RTEL1: variants seen among roughly 807,000 people sequenced by gnomAD.
RTEL1 encodes regulator of telomere length.
Under a neutral mutation model 162.2 loss-of-function variants are expected in RTEL1, and 86 were observed. The ratio of observed to expected loss-of-function variants is 0.53; its 90% CI spans 0.45 to 0.63. RTEL1 has a LOEUF of 0.63. Among genes scored for constraint, RTEL1 ranks in the 30% least tolerant of loss-of-function variants. RTEL1 has a pLI of 0.00. For synonymous variants in RTEL1, 958 were observed against 717.9 expected (o/e 1.33, Z -5.35); for missense variants, 1,941 against 1,750.2 (o/e 1.11, Z -1.95).
At chr20:63,692,069 A>T in intron 28 of RTEL1, 1 of 508,576 alleles carries the variant, frequency 2.0e-6, no homozygotes, top group Non-Finnish European at 3.6e-6. Flanking sequence ...CAGGTTTGGC[A>T]TGGGGCCTGC....
At chr20:63,666,566 C>T (rs573255901) in intron 7 of RTEL1, among the ~76,000 whole-genome samples, 38 of 152,284 alleles carry the variant, frequency 2.5e-4, no homozygotes, top group East Asian at 1.7e-3. Flanking sequence ...AACAGGGTCT[C>T]GCTCTGCTAC....
rs1210407904 is a variant in RTEL1, at chr20:63,687,626, C to G, written c.1349-12C>G. On this transcript the variant is annotated splice_polypyrimidine_tract_variant and intron_variant, in intron 16 of 34. Transcript: ENST00000360203. ...TCACACTCTGTGCCCTCTGCCGCCC[C>G]CCGCCCCACAGGGAAGGTGCTGAGC... The G allele has an allele frequency of 6.3e-7, 1 of 1,599,366 alleles. No individual in the cohort carries two copies. The highest frequency in any genetic ancestry group is 1.7e-5 in the Admixed American group (1 of 59,084).
At chr20:63,682,596 G>T (rs968103930) in intron 14 of RTEL1, 9 of 985,824 alleles carry the variant, frequency 9.1e-6, no homozygotes, top group Non-Finnish European at 1.1e-5. Context: ...CCAGCCCTCG[G>T]GTGCCTGGAG....
chr20:63,682,202 G>A (rs1301765752), intron 14 of RTEL1: 1 of 985,432 alleles, frequency 1.0e-6, no homozygotes, highest in East Asian at 1.1e-4. Flanking sequence ...CACTCGAACT[G>A]AATCCTGGAA....
chr20:63,678,223 G>GCCTCCTCCTTGCGAGGAGGTGGGTGACA (rs2090396911), intron 11 of RTEL1, 40 bp downstream of exon 11: 4 of 1,612,848 alleles, frequency 2.5e-6, no homozygotes, highest in Non-Finnish European at 3.4e-6. Context: ...GCTGGGTGGG[G>GCCTCCTCCTTGCGAGGAGGTGGGTGACA]CCTCCTCCTT....
chr20:63,661,701 C>A lies in RTEL1; in HGVS notation c.302-149C>A. 1.2e-6 allele frequency: 1 copy of A among 862,480 alleles called. No homozygotes were observed. The highest frequency in any genetic ancestry group is 1.8e-6 in the Non-Finnish European group (1 of 545,048). 53.4% of individuals were successfully genotyped at this position (862,480 alleles called of 1,614,324 possible). A position where few individuals can be genotyped will look rare whatever the true frequency, so the allele number is the denominator to read the frequency against. On this transcript the variant is annotated intron_variant, in intron 3 of 34. Coordinates refer to ENST00000360203, the MANE Select transcript of RTEL1 (RefSeq NM_001283009.2). This position sits in a 1 kb window ranked among gnomAD's most constrained non-coding sequence, Gnocchi z 5.1. ...TTGCTGAATTAGGGCACGGCAGATG[C>A]CCACTTCACCCATTTTTGATAAACC... is the stretch of plus-strand genomic sequence containing the variant.
In RTEL1 at chr20:63,661,697, G is replaced by C. The variant is rs2090023779; in HGVS notation, c.302-153G>C. Reference sequence around the variant, plus strand: ...TTTTTTGCTGAATTAGGGCACGGCAGATGCCCACTTCACCCATTTTTGATA... The same window carrying C: ...TTTTTTGCTGAATTAGGGCACGGCACATGCCCACTTCACCCATTTTTGATA... On this transcript the variant is annotated intron_variant, in intron 3 of 34. Coordinates refer to ENST00000360203, the MANE Select transcript of RTEL1 (RefSeq NM_001283009.2). The surrounding 1 kb of genome is among the most constrained non-coding windows in gnomAD (Gnocchi z 5.1). The C allele has an allele frequency of 1.0e-5, 9 of 861,728 alleles. No individual in the cohort carries two copies. In the South Asian group the frequency reaches 1.5e-4, roughly 14 times the overall value. The allele number at this position is 861,728 out of a possible 1,614,324, so 53.4% of individuals were successfully genotyped here.
chr20:63,662,203 T>G (rs1016864028), intron 4 of RTEL1, among the ~76,000 whole-genome samples: 2 of 152,234 alleles, frequency 1.3e-5, no homozygotes, highest in East Asian at 1.9e-4. Context: ...GGTGCTGTTG[T>G]AGCAGCTGTG....
Position 63,661,652 on chromosome 20 carries a change from G to A in RTEL1, c.301+156G>A. On this transcript the variant is annotated intron_variant, in intron 3 of 34. Transcript: ENST00000360203. The surrounding 1 kb of genome is among the most constrained non-coding windows in gnomAD (Gnocchi z 5.1). ...GCTGTATAATTTCTCGCCATCGTGG[G>A]TGTAAACCTAGGGTTGGGCTTTTTT... 1.0e-6 allele frequency: 1 copy of A among 954,736 alleles called. No individual in the cohort carries two copies. Among genetic ancestry groups the A allele is most frequent in the Non-Finnish European group, 1.6e-6 (1 of 645,004 alleles). The allele number at this position is 954,736 out of a possible 1,614,324, so 59.1% of individuals were successfully genotyped here.
rs6011003 is a variant in RTEL1, at chr20:63,666,668, C to T, written c.614+589C>T. On this transcript the variant is annotated intron_variant, in intron 7 of 34. Transcript: ENST00000360203. ...TTCCCACCTCAGCCTCCCAAGTAGC[C>T]GGGACTGCAGGCACACACCACCATG... Among the ~76,000 whole-genome samples, 1,230 of 151,618 alleles carry T rather than the reference C, an allele frequency of 8.1e-3. 9 individuals carry two copies. The highest frequency in any genetic ancestry group is 0.028 in the African/African-American group (1,172 of 41,326).
chr20:63,686,152 A>G, intron 16 of RTEL1: 2 of 529,462 alleles, frequency 3.8e-6, no homozygotes, highest in South Asian at 4.1e-5. Context: ...CTGCTGGGAC[A>G]CGCTCGTTTA....
chr20:63,691,075 C>A, intron 27 of RTEL1, 128 bp downstream of exon 27: 1 of 1,047,068 alleles, frequency 9.6e-7, no homozygotes, highest in Non-Finnish European at 1.3e-6. Flanking sequence ...GGCAGGCGGG[C>A]AAGCGGGCGG....
intron 8 of RTEL1, among the ~76,000 whole-genome samples, chr20:63,669,654 G>A (rs73920947): frequency 0.099 from 14,648 of 148,264 alleles, 895 homozygotes; most frequent in African/African-American, 0.18. Flanking sequence ...ACCAAGATGG[G>A]TGGAATGGCC....
chr20:63,664,744 C>G (rs1050383090), intron 6 of RTEL1, among the ~76,000 whole-genome samples: 1 of 152,206 alleles, frequency 6.6e-6, no homozygotes, highest in Non-Finnish European at 1.5e-5. Context: ...TGGGCTGCAG[C>G]TCCTGGAGGG....
intron 34 of RTEL1, 52 bp from the exon 35 acceptor site, chr20:63,695,726 G>C (rs1479951805): frequency 1.2e-6 from 2 of 1,601,226 alleles, no homozygotes; most frequent in East Asian, 2.3e-5. Context: ...GCAGGCCCTT[G>C]TCCTGGTGGC....
At position 63,695,959 on chromosome 20, in the gene RTEL1, C is replaced by G. The variant is rs1601202200; in HGVS notation, c.*101C>G. On this transcript the variant is annotated 3_prime_UTR_variant, in exon 35 of 35. Transcript: ENST00000360203. The stretch of plus-strand genomic sequence containing the variant: ...ACCCAACAGAATAGGCCAGCCCATG[C>G]CAGCCGGCTTGGCCCGCTGCAGGCC... 1 of 1,243,644 alleles carries G rather than the reference C, an allele frequency of 8.0e-7. No individual in the cohort carries two copies. Among genetic ancestry groups the G allele is most frequent in the East Asian group, 2.5e-5 (1 of 39,218 alleles). 77.0% of individuals were successfully genotyped at this position (1,243,644 alleles called of 1,614,324 possible).
At chr20:63,690,487 GGGCGGCGTGGGGCGGGCAGCACCA>G in intron 26 of RTEL1, 46 bp downstream of exon 26, 1 of 1,370,954 alleles carries the variant, frequency 7.3e-7, no homozygotes, top group Non-Finnish European at 9.8e-7. Context: ...GTGGCGGAGC[GGGCGGCGTGGGGCGGGCAGCACCA>G]GGCGCCCAGG....
rs763726399 is a variant in RTEL1, at chr20:63,689,124, C to T, written c.1870C>T (p.Arg624Trp). The T allele has an allele frequency of 1.7e-5, 27 of 1,609,286 alleles. No individual in the cohort carries two copies. The highest frequency in any genetic ancestry group is 2.0e-5 in the Non-Finnish European group (24 of 1,179,846). ...CGGCGCCACCTTCCTGGCGGTCTGC[C>T]GGGGCAAGGTGAGCTCTCCAGGGCC... ...STGATFLAVC[R>W]GKASEGLDFS... Residue 624 changes from arginine (R) to tryptophan (W), a missense_variant, in exon 22 of 35, where the codon CGG becomes TGG. Transcript: ENST00000360203.
At chr20:63,658,701 C>T (rs1003834144) in intron 1 of RTEL1, 11 of 152,554 alleles carry the variant, frequency 7.2e-5, no homozygotes, top group African/African-American at 2.2e-4. Flanking sequence ...TTCAGTGTGT[C>T]CGCGTCTGTT....
Sources: gnomAD v4.1 joint callset for allele counts (sites outside exome capture counted in the v4.1 genomes callset) on GRCh38, gnomAD v4.1.1 for gene constraint, Gnocchi (gnomAD v3.1) non-coding constraint, MANE v1.5 for transcripts, NCBI Gene and HGNC (gene_info 2026-07-23, HGNC 2026-07-21) for gene names.